Variants in HDAC1 observed in about 807,000 individuals in gnomAD.
HDAC1 encodes histone deacetylase 1.
HDAC1 carries 18 observed loss-of-function variants against 65.5 expected under a neutral mutation model. The observed-to-expected ratio is 0.27, with a 90% CI of 0.19 to 0.41. The LOEUF (loss-of-function observed/expected upper bound fraction) is 0.41. HDAC1 is among the 10% of genes least tolerant of loss of function. The pLI is 1.00. For missense variants in HDAC1, 373 were observed against 625.2 expected (o/e 0.60, Z 4.30); for synonymous variants, 211 against 227.9 (o/e 0.93, Z 0.67).
chr1:32,330,845 C>G lies in HDAC1; in HGVS notation c.916C>G (p.Arg306Gly), dbSNP rs780754516. The G allele has an allele frequency of 3.1e-6, 5 of 1,614,086 alleles. No homozygotes were observed. Among genetic ancestry groups the G allele is most frequent in the Non-Finnish European group, 4.2e-6 (5 of 1,179,964 alleles). The change falls in exon 9 of 14, where the codon CGT becomes GGT. Residue 306 changes from arginine (R) to glycine (G), a missense_variant. Arg to Gly is a moderately radical substitution (Grantham distance 125, BLOSUM62 -2). Around this residue, in one of 4 missense-constraint regions of HDAC1, gnomAD observed 105 missense variants for 192.6 expected, o/e 0.55. Coordinates refer to ENST00000373548, the MANE Select transcript of HDAC1 (RefSeq NM_004964.3). The surrounding 1 kb of genome is among the most constrained non-coding windows in gnomAD (Gnocchi z 4.2). ...GCTGGGAGGCGGTGGTTACACCATT[C>G]GTAACGTTGCCCGGTGCTGGACATA... ...LMLGGGGYTI[R>G]NVARCWTYET...
chr1:32,318,208 C>G (rs552628675), intron 3 of HDAC1, among the ~76,000 whole-genome samples: 2 of 152,338 alleles, frequency 1.3e-5, no homozygotes, highest in East Asian at 3.9e-4. Flanking sequence ...CTCGGCTTCC[C>G]CAAGTGCTGG....
At chr1:32,332,679 T>C (rs752161142) in intron 12 of HDAC1, 22 bp from the exon 13 acceptor site, 12 of 1,549,898 alleles carry the variant, frequency 7.7e-6, no homozygotes, top group Non-Finnish European at 7.9e-6. Context: ...CCCTTGGCCA[T>C]CCCTGTACTC....
At chr1:32,310,531 A>G (rs953788566) in intron 2 of HDAC1, among the ~76,000 whole-genome samples, 1 of 152,028 alleles carries the variant, frequency 6.6e-6, no homozygotes, top group Admixed American at 6.6e-5. Flanking sequence ...TGGGCAACAC[A>G]GGGAGATTCT....
In HDAC1 at chr1:32,333,059, C is replaced by T; in HGVS notation, c.*15C>T. 2 of 1,610,934 alleles carry T rather than the reference C, an allele frequency of 1.2e-6. No homozygotes were observed. The highest frequency in any genetic ancestry group is 2.2e-5 in the South Asian group (2 of 90,836). ...AGTTGGCCTGAATGGACCTCTCCAG[C>T]TCTGGCTTCCTGCTGAGTCCCTCAC... On this transcript the variant is annotated 3_prime_UTR_variant, in exon 14 of 14. Transcript: ENST00000373548.
At position 32,312,776 on chromosome 1, in the gene HDAC1, A is replaced by G. The variant is rs1365005932; in HGVS notation, c.163-3889A>G. Reference sequence around the variant, plus strand: ...CTGCAACCTCTGCCTCCTAAGTTCAAGTGATTCTCATGCTGCAGCCTCCTG... The same window carrying G: ...CTGCAACCTCTGCCTCCTAAGTTCAGGTGATTCTCATGCTGCAGCCTCCTG... On this transcript the variant is annotated intron_variant, in intron 2 of 13. Transcript: ENST00000373548. Among the ~76,000 whole-genome samples the G allele has an allele frequency of 2.0e-5, 3 of 152,040 alleles. No homozygotes were observed. The East Asian group carries it at 5.8e-4, about 29-fold the overall frequency.
In HDAC1 at chr1:32,326,963, AG is replaced by A; in HGVS notation, c.381del (p.Gln127HisfsTer7). ...GCAAGTGCTGTGAAACTTAATAAGC[AG>A]CAGACGGACATCGCTGTGAATTGGG... ...SVASAVKLNK[Q>X]QTDIAVNWAG... On this transcript the variant is annotated frameshift_variant, in exon 5 of 14. Coordinates refer to ENST00000373548, the MANE Select transcript of HDAC1 (RefSeq NM_004964.3). LOFTEE classifies it high-confidence loss of function. The A allele has an allele frequency of 6.2e-7, 1 of 1,614,126 alleles. No individual in the cohort carries two copies. The highest frequency in any genetic ancestry group is 8.5e-7 in the Non-Finnish European group (1 of 1,180,008).
intron 2 of HDAC1, among the ~76,000 whole-genome samples, chr1:32,308,840 T>C (rs1640947754): frequency 6.6e-6 from 1 of 151,870 alleles, no homozygotes; most frequent in South Asian, 2.1e-4. Context: ...TTAGATAGGG[T>C]GTTGCTCTGT....
intron 1 of HDAC1, among the ~76,000 whole-genome samples, chr1:32,298,275 A>G (rs897094652): frequency 6.7e-6 from 1 of 149,564 alleles, no homozygotes; most frequent in Admixed American, 6.7e-5. Context: ...TTTAGTAGAG[A>G]CGGGGTTTCT....
chr1:32,332,445 A>C (rs1570043883), intron 12 of HDAC1, among the ~76,000 whole-genome samples: 1 of 151,892 alleles, frequency 6.6e-6, no homozygotes. Context: ...CTCACATACC[A>C]CCCCAGCCCT....
intron 4 of HDAC1, 147 bp from the exon 5 acceptor site, chr1:32,326,792 G>C (rs895426615): frequency 1.4e-6 from 1 of 719,518 alleles, no homozygotes. Context: ...TGCTGAAGTA[G>C]GGTGGGAGGG....
intron 2 of HDAC1, among the ~76,000 whole-genome samples, chr1:32,314,748 C>A (rs1434926687): frequency 6.6e-6 from 1 of 151,028 alleles, no homozygotes; most frequent in African/African-American, 2.4e-5. Context: ...ATGGTGTGAA[C>A]CTGGGAGACA....
intron 1 of HDAC1, among the ~76,000 whole-genome samples, chr1:32,299,195 C>T (rs1640812546): frequency 6.6e-6 from 1 of 152,012 alleles, no homozygotes; most frequent in South Asian, 2.1e-4. Flanking sequence ...GACAGTGTCC[C>T]TCATGCTGTG....
chr1:32,332,394 G>T, intron 12 of HDAC1, 152 bp downstream of exon 12: 1 of 763,636 alleles, frequency 1.3e-6, no homozygotes, highest in South Asian at 1.8e-5. Flanking sequence ...AGAAGTGGCA[G>T]AGCCCACAAA....
At chr1:32,316,628 C>CA (rs773512987) in intron 2 of HDAC1, 37 bp from the exon 3 acceptor site, 2 of 1,234,040 alleles carry the variant, frequency 1.6e-6, no homozygotes, top group Non-Finnish European at 2.4e-6. Context: ...TGGCCGTGGT[C>CA]AAAAATAACT....
At position 32,331,590 on chromosome 1, in the gene HDAC1, T is replaced by C. The variant is rs1441756693; in HGVS notation, c.1088+8T>C. 8 of 1,609,710 alleles carry C rather than the reference T, an allele frequency of 5.0e-6. No homozygotes were observed. The highest frequency in any genetic ancestry group is 5.1e-6 in the Non-Finnish European group (6 of 1,176,116). ...GTACCTGGAGAAGATCAAGTGAGTA[T>C]ATCCTCCAGCCACCCCTTGGTTGAA... On this transcript the variant is annotated splice_region_variant and intron_variant, in intron 10 of 13. Transcript: ENST00000373548. This position sits in a 1 kb window ranked among gnomAD's most constrained non-coding sequence, Gnocchi z 4.2.
In HDAC1 at chr1:32,329,202, T is replaced by C. The variant is rs758124560; in HGVS notation, c.729+42T>C. 1.7e-6 allele frequency: 2 copies of C among 1,196,794 alleles called. No homozygotes were observed. Among genetic ancestry groups the C allele is most frequent in the Non-Finnish European group, 2.5e-6 (2 of 798,750 alleles). 74.1% of individuals were successfully genotyped at this position (1,196,794 alleles called of 1,614,324 possible). On this transcript the variant is annotated intron_variant, in intron 7 of 13. Coordinates refer to ENST00000373548, the MANE Select transcript of HDAC1 (RefSeq NM_004964.3). This position sits in a 1 kb window ranked among gnomAD's most constrained non-coding sequence, Gnocchi z 4.1. ...ACCCCTTGGGCTACAAACAGGGGAT[T>C]GGTTGGCGGTGGAGGGGAGCAAAGC... is the stretch of plus-strand genomic sequence containing the variant.
chr1:32,315,871 AG>A (rs1459935826), intron 2 of HDAC1, among the ~76,000 whole-genome samples: 7 of 151,500 alleles, frequency 4.6e-5, no homozygotes, highest in African/African-American at 1.7e-4. Flanking sequence ...AGGCTGAGGC[AG>A]GAGAATCGCT....
chr1:32,300,278 T>G (rs139364684), intron 1 of HDAC1, among the ~76,000 whole-genome samples: 498 of 152,108 alleles, frequency 3.3e-3, no homozygotes, highest in African/African-American at 0.011. Context: ...GATATAGTCA[T>G]GTAAATAATT....
chr1:32,293,993 G>A (rs1355517885), intron 1 of HDAC1, among the ~76,000 whole-genome samples: 1 of 151,584 alleles, frequency 6.6e-6, no homozygotes, highest in Non-Finnish European at 1.5e-5. Flanking sequence ...GTTTGAACCT[G>A]GGAGGCAGAG....
Sources: allele counts gnomAD v4.1 joint callset (sites outside exome capture counted in the v4.1 genomes callset), GRCh38; gene constraint gnomAD v4.1.1; regional missense constraint gnomAD v4.1.1; non-coding constraint Gnocchi (gnomAD v3.1); transcripts MANE v1.5; gene names NCBI Gene and HGNC (gene_info 2026-07-23, HGNC 2026-07-21).